The following DMD variants were observed in gnomAD, a reference collection of about 807,000 sequenced individuals.
DMD encodes mutant dystrophin.
A neutral mutation model predicts 330.1 loss-of-function variants in DMD; 63 were observed. The ratio of observed to expected loss-of-function variants is 0.19; its 90% confidence interval spans 0.16 to 0.24. The LOEUF (loss-of-function observed/expected upper bound fraction) is 0.24. Among genes scored for constraint, DMD ranks in the 10% least tolerant of loss-of-function variants. The pLI is 1.00. For missense variants in DMD, 3,344 were observed against 2,684.1 expected, an observed-to-expected ratio of 1.25 and a Z score of -5.43; for synonymous variants, 1,223 against 959.8, an observed-to-expected ratio of 1.27 and a Z score of -5.07.
At chrX:32,173,066 GGTGT>G (rs3040089) in intron 44 of DMD, among the ~76,000 whole-genome samples, 2,335 of 89,560 alleles carry the variant, frequency 0.026, 34 homozygotes, top group Middle Eastern at 0.052. Flanking sequence ...ACCTGATTTT[GGTGT>G]GTGTGTGTGT....
chrX:32,156,017 C>T (rs888680314), intron 44 of DMD, among the ~76,000 whole-genome samples: 7 of 100,179 alleles, frequency 7.0e-5, no homozygotes, highest in Admixed American at 5.6e-4. Context: ...CACACACACA[C>T]CTGTATAGCT....
intron 44 of DMD, among the ~76,000 whole-genome samples, chrX:32,002,816 C>A (rs2095636364): frequency 9.0e-6 from 1 of 111,241 alleles, no homozygotes; most frequent in African/African-American, 3.3e-5. Flanking sequence ...AATATTGTTA[C>A]TAGTATAACT....
At chrX:32,680,897 C>G (rs983245301) in intron 9 of DMD, among the ~76,000 whole-genome samples, 1 of 111,514 alleles carries the variant, frequency 9.0e-6, no homozygotes, top group African/African-American at 3.3e-5. Flanking sequence ...GTGGGGGTAA[C>G]AGTCCACAGC....
chrX:32,685,388 G>A (rs1221095549), intron 9 of DMD, among the ~76,000 whole-genome samples: 1 of 111,401 alleles, frequency 9.0e-6, no homozygotes, highest in Non-Finnish European at 1.9e-5. Context: ...ATTGCCACTG[G>A]ATTTAGCAAT....
At chrX:32,835,121 A>C (rs2079500397) in intron 4 of DMD, among the ~76,000 whole-genome samples, 2 of 112,176 alleles carry the variant, frequency 1.8e-5, no homozygotes, top group Non-Finnish European at 3.8e-5. Flanking sequence ...ATTAGAACTT[A>C]GTTATATCCA....
chrX:32,833,567 TATTTA>T (rs1455416813), intron 4 of DMD, among the ~76,000 whole-genome samples: 3 of 109,259 alleles, frequency 2.7e-5, no homozygotes, highest in African/African-American at 9.9e-5. Flanking sequence ...TTCAGTATAT[TATTTA>T]ATTTGAATTT....
chrX:32,306,562 G>T (rs985405101), intron 42 of DMD, among the ~76,000 whole-genome samples: 9 of 111,282 alleles, frequency 8.1e-5, no homozygotes, highest in African/African-American at 2.3e-4. Flanking sequence ...TCCAAACAAG[G>T]CATCTGTACT....
intron 60 of DMD, among the ~76,000 whole-genome samples, chrX:31,361,094 TA>T (rs780131363): frequency 9.0e-4 from 98 of 109,205 alleles, no homozygotes; most frequent in African/African-American, 2.7e-3. Context: ...CCCTGTCTCT[TA>T]AAAAAAAATA....
chrX:31,663,271 C>A, intron 53 of DMD, among the ~76,000 whole-genome samples: 1 of 111,385 alleles, frequency 9.0e-6, no homozygotes, highest in Non-Finnish European at 1.9e-5. Flanking sequence ...AATTAGCACC[C>A]GATGGTTCTG....
intron 4 of DMD, among the ~76,000 whole-genome samples, chrX:32,832,526 A>T (rs1166192724): frequency 9.0e-6 from 1 of 111,244 alleles, no homozygotes; most frequent in Non-Finnish European, 1.9e-5. Flanking sequence ...AAACATGTTA[A>T]ATGTCTTTTA....
At chrX:33,189,637 G>T (rs182688532) in intron 1 of DMD, among the ~76,000 whole-genome samples, 1 of 110,751 alleles carries the variant, frequency 9.0e-6, no homozygotes, top group African/African-American at 3.3e-5. Context: ...TAGTTTGGGG[G>T]CCCGCACATA....
rs930747776 is a variant in DMD, at chrX:32,775,973, T to C, written c.649+33520A>G. 2.1e-4 allele frequency among the ~76,000 whole-genome samples: 24 copies of C among 112,230 alleles called. No individual in the cohort carries two copies. The Admixed American group carries it at 2.2e-3, about 10-fold the overall frequency. On this transcript the variant is annotated intron_variant, in intron 7 of 78. Transcript: ENST00000357033. ...CTCTCTGTGAACGCATATAACCGTA[T>C]GTTTTCAGAAAAAGTCAAGTCACAT... is the stretch of plus-strand genomic sequence containing the variant.
chrX:32,439,562 A>AT (rs746240382), intron 28 of DMD, among the ~76,000 whole-genome samples: 1 of 111,368 alleles, frequency 9.0e-6, no homozygotes, highest in East Asian at 2.8e-4. Context: ...ACCTTGTTAA[A>AT]TTTTTTTAAA....
chrX:32,647,377 T>A (rs895958107), intron 9 of DMD, among the ~76,000 whole-genome samples: 1 of 111,613 alleles, frequency 9.0e-6, no homozygotes, highest in African/African-American at 3.3e-5. Flanking sequence ...ATGGCGTAAG[T>A]GTGTTATGTC....
At chrX:32,234,130 G>C (rs970405389) in intron 43 of DMD, among the ~76,000 whole-genome samples, 1 of 111,293 alleles carries the variant, frequency 9.0e-6, no homozygotes, top group African/African-American at 3.3e-5. Flanking sequence ...CCATGACCAC[G>C]AGAGACCAGA....
At chrX:32,085,680 G>A (rs1397090595) in intron 44 of DMD, among the ~76,000 whole-genome samples, 9 of 95,169 alleles carry the variant, frequency 9.5e-5, no homozygotes, top group African/African-American at 1.3e-4. Flanking sequence ...ATACACACGC[G>A]TATATATATA....
At chrX:32,600,289 G>A (rs1188093840) in intron 12 of DMD, among the ~76,000 whole-genome samples, 1 of 111,509 alleles carries the variant, frequency 9.0e-6, no homozygotes, top group East Asian at 2.8e-4. Flanking sequence ...TAAAGACATG[G>A]AATTATGTAA....
intron 48 of DMD, among the ~76,000 whole-genome samples, chrX:31,860,065 C>A (rs3859982): frequency 0.1 from 10,680 of 105,553 alleles, 479 homozygotes; most frequent in South Asian, 0.24. Context: ...AAAGAGATGA[C>A]ACCCATGGGC....
At chrX:32,996,897 T>G (rs2093135750) in intron 2 of DMD, among the ~76,000 whole-genome samples, 2 of 111,989 alleles carry the variant, frequency 1.8e-5, no homozygotes, top group South Asian at 7.3e-4. Context: ...AAGAAAAACA[T>G]GTTCTAATAA....
Sources: gnomAD v4.1 joint callset for allele counts (sites outside exome capture counted in the v4.1 genomes callset) on GRCh38, gnomAD v4.1.1 for gene constraint, MANE v1.5 for transcripts, NCBI Gene and HGNC (gene_info 2026-07-23, HGNC 2026-07-21) for gene names.